The following IL1RAPL1 variants were observed in gnomAD, a reference collection of about 807,000 sequenced individuals.
IL1RAPL1 encodes the protein interleukin-1 receptor accessory protein-like 1.
In IL1RAPL1, 3 loss-of-function variants were observed where a neutral mutation model predicts 48.4. The ratio of observed to expected loss-of-function variants is 0.06; its 90% CI spans 0.03 to 0.16. IL1RAPL1 has a LOEUF of 0.16. Ranked by LOEUF, IL1RAPL1 falls within the 10% of genes least tolerant of loss-of-function variation. IL1RAPL1 has a pLI of 1.00. For synonymous variants in IL1RAPL1, 185 were observed against 187.7 expected, an observed-to-expected ratio of 0.99 and a Z score of 0.12; for missense variants, 349 against 530.6, an observed-to-expected ratio of 0.66 and a Z score of 3.36.
intron 2 of IL1RAPL1, among the ~76,000 whole-genome samples, chrX:29,203,722 A>AATATATATATATATATATATATATATAT (rs56950481): frequency 1.3e-5 from 1 of 78,428 alleles, no homozygotes; most frequent in African/African-American, 5.4e-5. Context: ...TCCGTCTCAA[A>AATATATATATATATATATATATATATAT]ATATATATAT....
intron 2 of IL1RAPL1, among the ~76,000 whole-genome samples, chrX:29,097,130 C>T (rs1175535369): frequency 9.0e-6 from 1 of 110,829 alleles, no homozygotes; most frequent in Non-Finnish European, 1.9e-5. Context: ...AAGTAATATA[C>T]TTTATAGCTT....
At chrX:29,326,776 C>T (rs1341834003) in intron 3 of IL1RAPL1, among the ~76,000 whole-genome samples, 1 of 111,562 alleles carries the variant, frequency 9.0e-6, no homozygotes, top group Non-Finnish European at 1.9e-5. Context: ...GTCCAGTTGA[C>T]GATTCAAGGG....
chrX:28,611,141 C>T (rs1379710879), intron 1 of IL1RAPL1, among the ~76,000 whole-genome samples: 5 of 111,669 alleles, frequency 4.5e-5, no homozygotes, highest in South Asian at 3.8e-4. Flanking sequence ...GTTGGCTTCC[C>T]CACCAAATCT....
intron 5 of IL1RAPL1, among the ~76,000 whole-genome samples, chrX:29,598,659 A>G (rs964503395): frequency 1.8e-5 from 2 of 111,185 alleles, no homozygotes; most frequent in Non-Finnish European, 3.8e-5. Flanking sequence ...GTTGTCATGT[A>G]TCTCATTTCT....
intron 2 of IL1RAPL1, among the ~76,000 whole-genome samples, chrX:29,019,393 C>G (rs759364140): frequency 1.8e-5 from 2 of 111,064 alleles, no homozygotes; most frequent in South Asian, 3.8e-4. Context: ...TTTCAAAGGG[C>G]AAATTTTATG....
intron 2 of IL1RAPL1, among the ~76,000 whole-genome samples, chrX:28,944,839 TA>T (rs1349156188): frequency 1.8e-5 from 2 of 109,610 alleles, no homozygotes; most frequent in Admixed American, 9.8e-5. Flanking sequence ...CTTGCTCAAT[TA>T]AAAAAAGTCA....
chrX:28,724,368 T>C (rs1488944531), intron 1 of IL1RAPL1, among the ~76,000 whole-genome samples: 2 of 111,733 alleles, frequency 1.8e-5, no homozygotes, highest in African/African-American at 6.5e-5. Context: ...TTGTCTCTTT[T>C]GATCTTTGTT....
chrX:29,417,545 A>G (rs887367724), intron 5 of IL1RAPL1, among the ~76,000 whole-genome samples: 1 of 111,889 alleles, frequency 8.9e-6, no homozygotes, highest in Non-Finnish European at 1.9e-5. Flanking sequence ...ATATTTCTTT[A>G]TCATTTGTTG....
intron 5 of IL1RAPL1, among the ~76,000 whole-genome samples, chrX:29,635,638 A>G (rs1433647794): frequency 9.0e-6 from 1 of 111,344 alleles, no homozygotes; most frequent in African/African-American, 3.2e-5. Flanking sequence ...ACACATTGAT[A>G]AAAAAATATA....
intron 6 of IL1RAPL1, among the ~76,000 whole-genome samples, chrX:29,846,835 T>G (rs1324372678): frequency 1.9e-5 from 2 of 107,912 alleles, no homozygotes; most frequent in Non-Finnish European, 3.8e-5. Flanking sequence ...TATATGTATA[T>G]GTACTCTGTA....
chrX:29,678,369 T>A (rs1450162425), intron 6 of IL1RAPL1, among the ~76,000 whole-genome samples: 2 of 92,300 alleles, frequency 2.2e-5, no homozygotes, highest in African/African-American at 8.1e-5. Context: ...TTTTTTTTTT[T>A]TTTTGAGAAG....
intron 1 of IL1RAPL1, among the ~76,000 whole-genome samples, chrX:28,671,601 G>C (rs1040698504): frequency 2.7e-5 from 3 of 111,979 alleles, no homozygotes; most frequent in African/African-American, 9.7e-5. Flanking sequence ...AACACATCTG[G>C]TTAGCAAAGA....
At chrX:29,107,292 C>T (rs999204430) in intron 2 of IL1RAPL1, among the ~76,000 whole-genome samples, 2 of 112,195 alleles carry the variant, frequency 1.8e-5, no homozygotes, top group East Asian at 2.8e-4. Context: ...TAGCTGAAAG[C>T]GTTTAATGTA....
intron 2 of IL1RAPL1, among the ~76,000 whole-genome samples, chrX:28,871,651 C>G (rs1325453135): frequency 9.0e-6 from 1 of 111,392 alleles, no homozygotes; most frequent in Non-Finnish European, 1.9e-5. Context: ...AAGGGAGGGC[C>G]CAGGAATGTA....
intron 3 of IL1RAPL1, among the ~76,000 whole-genome samples, chrX:29,314,747 C>G (rs913626544): frequency 8.9e-6 from 1 of 112,211 alleles, no homozygotes; most frequent in African/African-American, 3.2e-5. Context: ...ATACCTGGCA[C>G]TTAGTAAAAG....
chrX:29,297,941 T>C (rs1031749658), intron 3 of IL1RAPL1, among the ~76,000 whole-genome samples: 2 of 111,865 alleles, frequency 1.8e-5, no homozygotes, highest in Non-Finnish European at 3.8e-5. Flanking sequence ...CTACTCTAGA[T>C]ATTGAGGCTT....
At chrX:29,924,208 T>C (rs931064505) in intron 8 of IL1RAPL1, among the ~76,000 whole-genome samples, 5 of 112,250 alleles carry the variant, frequency 4.5e-5, no homozygotes, top group African/African-American at 1.6e-4. Context: ...TATTACAAGA[T>C]TTCCTTGCTC....
chrX:29,356,686 C>A (rs145504407), intron 3 of IL1RAPL1, among the ~76,000 whole-genome samples: 215 of 111,215 alleles, frequency 1.9e-3, no homozygotes, highest in Middle Eastern at 4.6e-3. Context: ...TAACCAGTTG[C>A]CTCTACATCT....
At chrX:29,135,764 C>G (rs1169219972) in intron 2 of IL1RAPL1, among the ~76,000 whole-genome samples, 2 of 111,751 alleles carry the variant, frequency 1.8e-5, no homozygotes, top group Non-Finnish European at 3.8e-5. Flanking sequence ...GACAGGGTTT[C>G]ACTCCCGTCA....
Sources: gnomAD v4.1 joint callset for allele counts (sites outside exome capture counted in the v4.1 genomes callset) on GRCh38, gnomAD v4.1.1 for gene constraint, MANE v1.5 for transcripts, NCBI Gene and HGNC (gene_info 2026-07-23, HGNC 2026-07-21) for gene names.